DYM: variants seen among roughly 807,000 people sequenced by gnomAD.
DYM encodes the protein dymeclin, also known as dyggve-Melchior-Clausen syndrome protein.
A neutral mutation model predicts 93.1 loss-of-function variants in DYM; 78 were observed. The observed-to-expected ratio is 0.84, with a 90% CI of 0.70 to 1.01. DYM has a LOEUF of 1.01. Among genes scored for constraint, DYM ranks in the 50% least tolerant of loss-of-function variants. The pLI, the probability that DYM is intolerant of heterozygous loss-of-function variation, is 0.00. For missense variants in DYM, 789 were observed against 845.0 expected (o/e 0.93, Z 0.82); for synonymous variants, 321 against 319.7 (o/e 1.00, Z -0.04).
At chr18:49,391,520 C>A in intron 3 of DYM, 73 bp downstream of exon 3, 1 of 1,376,090 alleles carries the variant, frequency 7.3e-7, no homozygotes, top group South Asian at 1.2e-5. Flanking sequence ...TTCATTAATT[C>A]AGTTCATATT....
chr18:49,208,709 G>A (rs1051012955), intron 14 of DYM: 2 of 152,098 alleles, frequency 1.3e-5, no homozygotes, highest in African/African-American at 4.8e-5. Context: ...AGGTTGTCAT[G>A]GAGTTTTCTC....
intron 13 of DYM, among the ~76,000 whole-genome samples, chr18:49,227,622 C>A (rs1452463238): frequency 2.6e-5 from 4 of 152,118 alleles, no homozygotes; most frequent in Non-Finnish European, 5.9e-5. Context: ...CATCTGTGAG[C>A]TGGCAGGTGA....
intron 17 of DYM, among the ~76,000 whole-genome samples, chr18:49,092,859 C>G (rs1484566348): frequency 1.3e-5 from 2 of 152,078 alleles, no homozygotes; most frequent in Admixed American, 1.3e-4. Context: ...AGTCTTCCAC[C>G]AGAGAGCCTG....
At chr18:49,168,624 A>G (rs1210591859) in intron 14 of DYM, among the ~76,000 whole-genome samples, 1 of 152,160 alleles carries the variant, frequency 6.6e-6, no homozygotes, top group Non-Finnish European at 1.5e-5. Context: ...TTCTATTCGG[A>G]GTGAGAAGCT....
At chr18:49,197,199 G>C (rs1568582240) in intron 14 of DYM, among the ~76,000 whole-genome samples, 1 of 152,110 alleles carries the variant, frequency 6.6e-6, no homozygotes, top group Non-Finnish European at 1.5e-5. Flanking sequence ...AGTTTCAGCT[G>C]GACTATCAAT....
intron 5 of DYM, among the ~76,000 whole-genome samples, chr18:49,371,796 A>G (rs2147538216): frequency 6.6e-6 from 1 of 152,338 alleles, no homozygotes; most frequent in Non-Finnish European, 1.5e-5. Flanking sequence ...TCCTCATATA[A>G]TAATACAAAT....
At chr18:49,291,296 TAA>T (rs1460868223) in intron 8 of DYM, among the ~76,000 whole-genome samples, 1 of 152,232 alleles carries the variant, frequency 6.6e-6, no homozygotes, top group Non-Finnish European at 1.5e-5. Flanking sequence ...CTTTACATTG[TAA>T]ACAGTTCAGT....
rs113084627 is a variant in DYM, at chr18:49,245,421, A to G, written c.1460+11589T>C. ...AGAAATATTGCTGAATTCTTTTCCCAGCAAGGAACAACCCTGGGGAAGGAA... is the reference window on the plus strand; with the variant it reads ...AGAAATATTGCTGAATTCTTTTCCCGGCAAGGAACAACCCTGGGGAAGGAA... On this transcript the variant is annotated intron_variant, in intron 13 of 17. Transcript: ENST00000675505. Among the ~76,000 whole-genome samples, 1,520 of 152,284 alleles carry G rather than the reference A, an allele frequency of 1.0e-2. 24 individuals are homozygous for G. The highest frequency in any genetic ancestry group is 0.035 in the African/African-American group (1,450 of 41,554).
At chr18:49,220,170 T>C (rs1040045919) in intron 13 of DYM, among the ~76,000 whole-genome samples, 102 of 152,146 alleles carry the variant, frequency 6.7e-4, no homozygotes, top group African/African-American at 2.0e-3. Flanking sequence ...TCAAAGAGAA[T>C]AAAATATCTA....
At chr18:49,299,798 C>T (rs2060788308) in intron 8 of DYM, among the ~76,000 whole-genome samples, 1 of 152,028 alleles carries the variant, frequency 6.6e-6, no homozygotes, top group Non-Finnish European at 1.5e-5. Flanking sequence ...AATCCCAGCA[C>T]TTTGGGAGGC....
chr18:49,103,516 G>C (rs1255252966), intron 16 of DYM, among the ~76,000 whole-genome samples: 2 of 152,104 alleles, frequency 1.3e-5, no homozygotes, highest in African/African-American at 4.8e-5. Flanking sequence ...GTATTGCCTA[G>C]GTTTTCTTCT....
chr18:49,420,638 G>T (rs1295930626), intron 2 of DYM, among the ~76,000 whole-genome samples: 2 of 152,130 alleles, frequency 1.3e-5, no homozygotes, highest in Non-Finnish European at 2.9e-5. Context: ...TGAGGTACCT[G>T]GTTCATCTCA....
At chr18:49,380,200 T>A (rs1001336393) in intron 3 of DYM, among the ~76,000 whole-genome samples, 14 of 152,140 alleles carry the variant, frequency 9.2e-5, no homozygotes, top group Admixed American at 3.9e-4. Context: ...AATGAAAAAT[T>A]AAGAAAACAT....
chr18:49,201,125 G>C (rs1600583354), intron 14 of DYM, among the ~76,000 whole-genome samples: 1 of 152,196 alleles, frequency 6.6e-6, no homozygotes, highest in East Asian at 1.9e-4. Context: ...ATGAGTATCG[G>C]TAATAAGAAT....
intron 13 of DYM, among the ~76,000 whole-genome samples, chr18:49,219,173 C>T (rs1460974042): frequency 5.9e-5 from 9 of 152,144 alleles, no homozygotes; most frequent in Admixed American, 5.2e-4. Context: ...GGATAAATTC[C>T]TCGACACATA....
At chr18:49,182,640 T>C (rs1194855178) in intron 14 of DYM, among the ~76,000 whole-genome samples, 1 of 152,222 alleles carries the variant, frequency 6.6e-6, no homozygotes, top group African/African-American at 2.4e-5. Flanking sequence ...TCTATCCTTT[T>C]GCTATAGTTT....
chr18:49,194,262 A>G (rs1453129859), intron 14 of DYM, among the ~76,000 whole-genome samples: 2 of 152,226 alleles, frequency 1.3e-5, no homozygotes, highest in Non-Finnish European at 2.9e-5. Flanking sequence ...CTCCATACAC[A>G]TAGTTTAAAC....
chr18:49,122,205 T>C (rs2082439644), intron 15 of DYM, among the ~76,000 whole-genome samples: 1 of 152,168 alleles, frequency 6.6e-6, no homozygotes, highest in East Asian at 1.9e-4. Flanking sequence ...CTGGGATAGA[T>C]TCCAGGAGAG....
intron 16 of DYM, among the ~76,000 whole-genome samples, chr18:49,103,139 T>G (rs964334752): frequency 2.0e-5 from 3 of 152,192 alleles, no homozygotes; most frequent in Non-Finnish European, 4.4e-5. Context: ...CTCATTGTGG[T>G]TTTGATTTGC....
Sources: gnomAD v4.1 joint callset for allele counts (sites outside exome capture counted in the v4.1 genomes callset) on GRCh38, gnomAD v4.1.1 for gene constraint, MANE v1.5 for transcripts, NCBI Gene and HGNC (gene_info 2026-07-23, HGNC 2026-07-21) for gene names.